SLC12A6: variants seen among roughly 807,000 people sequenced by gnomAD.
SLC12A6 encodes solute carrier family 12 member 6.
In SLC12A6, 66 loss-of-function variants were observed where a neutral mutation model predicts 135.3. The observed-to-expected ratio is 0.49, with a 90% CI of 0.40 to 0.60. The LOEUF (loss-of-function observed/expected upper bound fraction) is 0.60. SLC12A6 is among the 20% of genes least tolerant of loss of function. SLC12A6 has a pLI of 0.00. For missense variants in SLC12A6, 1,058 were observed against 1,452.3 expected, an observed-to-expected ratio of 0.73 and a Z score of 4.41; for synonymous variants, 513 against 508.8, an observed-to-expected ratio of 1.01 and a Z score of -0.11.
At chr15:34,296,217 A>C (rs903418788) in intron 2 of SLC12A6, among the ~76,000 whole-genome samples, 1 of 152,242 alleles carries the variant, frequency 6.6e-6, no homozygotes, top group Non-Finnish European at 1.5e-5. Flanking sequence ...CCTGACATTA[A>C]GCAGCTCATA....
At chr15:34,239,751 C>T (rs1459814267) in intron 19 of SLC12A6, among the ~76,000 whole-genome samples, 1 of 4,402 alleles carries the variant, frequency 2.3e-4, no homozygotes, top group Non-Finnish European at 1.7e-3. Flanking sequence ...ACTCTTACTC[C>T]ACCCTGGGAA....
intron 2 of SLC12A6, among the ~76,000 whole-genome samples, chr15:34,320,903 G>A (rs1344473138): frequency 6.7e-6 from 1 of 149,850 alleles, no homozygotes; most frequent in Non-Finnish European, 1.5e-5. Context: ...AGCAAGACTC[G>A]TCTCAAAAAA....
intron 2 of SLC12A6, among the ~76,000 whole-genome samples, chr15:34,314,508 TCAA>T (rs57913042): frequency 0.039 from 5,966 of 152,266 alleles, 213 homozygotes; most frequent in African/African-American, 0.098. Context: ...CAGCATAACA[TCAA>T]CAACAGCATC....
chr15:34,324,545 T>C (rs1889336805), intron 2 of SLC12A6, among the ~76,000 whole-genome samples: 1 of 152,214 alleles, frequency 6.6e-6, no homozygotes, highest in African/African-American at 2.4e-5. Context: ...ATACTGCAAC[T>C]TAATATGTTA....
chr15:34,263,926 A>G (rs1272583006), intron 3 of SLC12A6, among the ~76,000 whole-genome samples: 1 of 152,182 alleles, frequency 6.6e-6, no homozygotes, highest in Non-Finnish European at 1.5e-5. Flanking sequence ...TGAAATACTC[A>G]AAATGATATT....
intron 2 of SLC12A6, among the ~76,000 whole-genome samples, chr15:34,321,230 T>C (rs1459372406): frequency 1.3e-5 from 2 of 152,202 alleles, no homozygotes; most frequent in African/African-American, 4.8e-5. Context: ...TGGTTCTTAA[T>C]AGCACTGGTT....
intron 10 of SLC12A6, 101 bp downstream of exon 10, chr15:34,252,069 C>G (rs919106221): frequency 4.2e-6 from 3 of 709,784 alleles, no homozygotes; most frequent in African/African-American, 1.8e-5. Context: ...GAATTAGCAC[C>G]ATGGCAGTGA....
At chr15:34,242,973 A>T (rs1891747485) in intron 16 of SLC12A6, among the ~76,000 whole-genome samples, 1 of 152,158 alleles carries the variant, frequency 6.6e-6, no homozygotes, top group Admixed American at 6.5e-5. Flanking sequence ...AGCTCACTGC[A>T]ACCTCCGACT....
intron 2 of SLC12A6, among the ~76,000 whole-genome samples, chr15:34,334,558 A>T (rs1890076497): frequency 6.6e-6 from 1 of 152,062 alleles, no homozygotes. Context: ...GAATTTTTTT[A>T]AATATAGAAA....
At chr15:34,259,792 A>C (rs1892989048) in intron 4 of SLC12A6, among the ~76,000 whole-genome samples, 1 of 152,240 alleles carries the variant, frequency 6.6e-6, no homozygotes. Context: ...TCTTATTCAG[A>C]TAAGATATAG....
chr15:34,250,524 A>C, intron 12 of SLC12A6, 107 bp downstream of exon 12: 1 of 834,118 alleles, frequency 1.2e-6, no homozygotes, highest in South Asian at 1.4e-5. Flanking sequence ...CAAGAAGTGA[A>C]GTGATAGAAA....
At position 34,279,347 on chromosome 15, in the gene SLC12A6, C is replaced by CA. The variant is rs1015843688; in HGVS notation, c.272-3959dup. Among the ~76,000 whole-genome samples, 165 of 151,440 alleles carry CA rather than the reference C, an allele frequency of 1.1e-3. 1 individual carries two copies. Among genetic ancestry groups the CA allele is most frequent in the South Asian group, 3.3e-3 (16 of 4,792 alleles). On this transcript the variant is annotated intron_variant, in intron 2 of 25. Coordinates refer to ENST00000354181, the MANE Select transcript of SLC12A6 (RefSeq NM_001365088.1). ...AAACAAAAAACAAAACAAAACAAAA[C>CA]AAAAAAAACAAAGAACTAAAATAAA... is the stretch of plus-strand genomic sequence containing the variant.
chr15:34,260,819 T>C (rs1326061551), intron 4 of SLC12A6, 107 bp downstream of exon 4: 2 of 684,500 alleles, frequency 2.9e-6, no homozygotes, highest in Admixed American at 2.3e-5. Context: ...TCTTTTAACA[T>C]TAAATTATCC....
chr15:34,246,513 G>A (rs993672941), intron 13 of SLC12A6, among the ~76,000 whole-genome samples: 1 of 152,086 alleles, frequency 6.6e-6, no homozygotes, highest in Non-Finnish European at 1.5e-5. Context: ...ATAAAAATTT[G>A]TAGTGATTTG....
intron 13 of SLC12A6, among the ~76,000 whole-genome samples, chr15:34,247,305 CAGG>C (rs1206288578): frequency 2.6e-5 from 4 of 152,086 alleles, no homozygotes; most frequent in Admixed American, 6.5e-5. Context: ...ATCACGAGGT[CAGG>C]AGATCGAGAC....
intron 2 of SLC12A6, among the ~76,000 whole-genome samples, chr15:34,309,801 G>T (rs994565235): frequency 6.6e-6 from 1 of 152,092 alleles, no homozygotes; most frequent in African/African-American, 2.4e-5. Context: ...TTAAAAAAAG[G>T]ATAAAGCTTT....
chr15:34,251,136 A>G, intron 10 of SLC12A6, 79 bp from the exon 11 acceptor site: 1 of 1,069,866 alleles, frequency 9.3e-7, no homozygotes, highest in Non-Finnish European at 1.4e-6. Flanking sequence ...CAAACATTCA[A>G]AATCAGGCTC....
Position 34,245,765 on chromosome 15 carries a change from T to G in SLC12A6, c.1752A>C (p.Gly584=), listed in dbSNP as rs186888172. ...TCGGTGCACCTGTGAGGCTCTGAAG[T>G]CCAGCCCCACATGTTGAAAAGAAGG... ...IGSFFSTCGA[G]LQSLTGAPRL... is the part of the protein sequence containing the mutation. Residue 584 remains glycine, a synonymous_variant, in exon 14 of 26, where the codon GGA becomes GGC. Coordinates refer to ENST00000354181, the MANE Select transcript of SLC12A6 (RefSeq NM_001365088.1). 643 of 1,613,310 alleles carry G rather than the reference T, an allele frequency of 4.0e-4. 7 individuals carry two copies. In the East Asian group the frequency reaches 0.013, roughly 33 times the overall value.
chr15:34,237,347 G>A (rs1224982345), intron 22 of SLC12A6, 72 bp downstream of exon 22: 11 of 1,449,334 alleles, frequency 7.6e-6, no homozygotes, highest in Non-Finnish European at 1.1e-5. Context: ...TCCCAAACCA[G>A]AAAAGATTCA....
Sources: gnomAD v4.1 joint callset for allele counts (sites outside exome capture counted in the v4.1 genomes callset) on GRCh38, gnomAD v4.1.1 for gene constraint, MANE v1.5 for transcripts, NCBI Gene and HGNC (gene_info 2026-07-23, HGNC 2026-07-21) for gene names.